SCN4A: variants seen among roughly 807,000 people sequenced by gnomAD.
SCN4A encodes the protein sodium voltage-gated channel alpha subunit 4.
A neutral mutation model predicts 162.0 loss-of-function variants in SCN4A; 83 were observed. The ratio of observed to expected loss-of-function variants is 0.51; its 90% CI spans 0.43 to 0.61. SCN4A has a LOEUF of 0.61. Among genes scored for constraint, SCN4A ranks in the 20% least tolerant of loss-of-function variants. The pLI is 0.00. For synonymous variants in SCN4A, 944 were observed against 985.1 expected, an observed-to-expected ratio of 0.96 and a Z score of 0.78; for missense variants, 2,196 against 2,462.5, an observed-to-expected ratio of 0.89 and a Z score of 2.29.
rs1034140685 is a variant in SCN4A, at chr17:63,950,938, C to T, written c.2853+486G>A. 4.6e-5 allele frequency among the ~76,000 whole-genome samples: 7 copies of T among 152,234 alleles called. No individual in the cohort carries two copies. The highest frequency in any genetic ancestry group is 2.1e-4 in the South Asian group (1 of 4,832). ...TGGCCCCTAGCTCCTCTCCTGAATC[C>T]CCTGCCTGGATCTGGCACTTTGGCC... On this transcript the variant is annotated intron_variant, in intron 14 of 23. Coordinates refer to ENST00000435607, the MANE Select transcript of SCN4A (RefSeq NM_000334.4). The surrounding 1 kb of genome is among the most constrained non-coding windows in gnomAD (Gnocchi z 4.6).
Position 63,968,307 on chromosome 17 carries a change from G to T in SCN4A, c.752C>A (p.Ser251Ter), listed in dbSNP as rs751884584. Reference protein sequence around the residue: ...GALIQSVKKLSDVMILTVFCL... With the variant: ...GALIQSVKKL ...GAAGACAGTGAGGATCATCACATCC[G>T]ACAGCTTTTTCACCGACTGGATCAG... Residue 251 changes from serine to a stop codon, truncating the protein, a stop_gained, in exon 6 of 24, where the codon TCG becomes TAG. Transcript: ENST00000435607. LOFTEE classifies it high-confidence loss of function. 6.2e-7 allele frequency: 1 copy of T among 1,610,604 alleles called. No individual in the cohort carries two copies. The highest frequency in any genetic ancestry group is 8.5e-7 in the Non-Finnish European group (1 of 1,177,086).
intron 17 of SCN4A, 95 bp downstream of exon 17, chr17:63,947,795 G>A: frequency 7.7e-7 from 1 of 1,301,248 alleles, no homozygotes. Flanking sequence ...GGTGGCCTCG[G>A]GCAGGTCCTG....
intron 5 of SCN4A, among the ~76,000 whole-genome samples, chr17:63,969,270 T>G (rs1341387487): frequency 6.6e-6 from 1 of 152,210 alleles, no homozygotes; most frequent in Non-Finnish European, 1.5e-5. Flanking sequence ...ATCATTATAT[T>G]CTTTAGACAG....
chr17:63,951,701 C>T lies in SCN4A; in HGVS notation c.2576G>A (p.Gly859Glu), dbSNP rs886053248. ...LSPKDIMLSL[G>E]EADGAGEAGE... ...AGCCTCCCCGGCCCCGTCAGCCTCC[C>T]CGAGGCTGAGCATGATGTCCTTGGG... Residue 859 changes from glycine to glutamate, a missense_variant, in exon 14 of 24, where the codon GGG (glycine) becomes GAG (glutamate). Coordinates refer to ENST00000435607, the MANE Select transcript of SCN4A (RefSeq NM_000334.4). This position sits in a 1 kb window ranked among gnomAD's most constrained non-coding sequence, Gnocchi z 4.5. 1.3e-6 allele frequency: 2 copies of T among 1,598,256 alleles called. No homozygotes were observed. The highest frequency in any genetic ancestry group is 1.7e-4 in the Middle Eastern group (1 of 6,040).
Position 63,951,380 on chromosome 17 carries a change from G to T in SCN4A, c.2853+44C>A. On this transcript the variant is annotated intron_variant, in intron 14 of 23. Transcript: ENST00000435607. This position sits in a 1 kb window ranked among gnomAD's most constrained non-coding sequence, Gnocchi z 4.5. Reference sequence around the variant, plus strand: ...ACTTAGGGCTTGCTCCAGGTCACAGGAGAATTTGAAGCCGGGTCTGTCTGA... The same window carrying T: ...ACTTAGGGCTTGCTCCAGGTCACAGTAGAATTTGAAGCCGGGTCTGTCTGA... The T allele has an allele frequency of 7.2e-7, 1 of 1,382,786 alleles. No individual in the cohort carries two copies. Among genetic ancestry groups the T allele is most frequent in the Non-Finnish European group, 9.9e-7 (1 of 1,010,236 alleles). The allele number at this position is 1,382,786 out of a possible 1,614,324, so 85.7% of individuals were successfully genotyped here. A position where few individuals can be genotyped will look rare whatever the true frequency, so the allele number is the denominator to read the frequency against.
Position 63,944,689 on chromosome 17 carries a change from T to C in SCN4A, c.3896A>G (p.Asn1299Ser). The C allele has an allele frequency of 1.9e-6, 3 of 1,607,754 alleles. No individual in the cohort carries two copies. The East Asian group carries it at 6.7e-5, about 36-fold the overall frequency. Residue 1299 changes from asparagine to serine, a missense_variant, in exon 21 of 24, where the codon AAC becomes AGC. Physicochemically the swap from Asn to Ser is conservative, Grantham distance 46. Transcript: ENST00000435607. The surrounding 1 kb of genome is among the most constrained non-coding windows in gnomAD (Gnocchi z 4.3). ...LFIGVIIDNF[N>S]QQKKKLGGKD... ...GATACTCATCTTCTTCTTCTGCTGG[T>C]TGAAGTTGTCAATGATGACGCCAAT...
Position 63,945,018 on chromosome 17 carries a change from C to T in SCN4A, c.3763G>A (p.Asp1255Asn). Residue 1255 changes from aspartate (D) to asparagine (N), a missense_variant, in exon 20 of 24, where the codon GAC becomes AAC. Asp to Asn is a conservative substitution (Grantham distance 23). Transcript: ENST00000435607. This position sits in a 1 kb window ranked among gnomAD's most constrained non-coding sequence, Gnocchi z 4.4. Reference protein sequence around the residue: ...GWMDIMYAAVDSREKEEQPQY... With the variant: ...GWMDIMYAAVNSREKEEQPQY... ...CGACCCCGACTCACCTCCCGGGAGT[C>T]CACGGCTGCATACATGATGTCCATC... 6.2e-7 allele frequency: 1 copy of T among 1,613,916 alleles called. No homozygotes were observed. Among genetic ancestry groups the T allele is most frequent in the Non-Finnish European group, 8.5e-7 (1 of 1,179,848 alleles).
In SCN4A at chr17:63,962,306, C is replaced by T. The variant is rs1016786331; in HGVS notation, c.1607-875G>A. ...CCTCGGGGATGCACTGTCGGTAATA[C>T]CGGCCCCTCCAAAGTGTCCCCAGCC... is the stretch of plus-strand genomic sequence containing the variant. On this transcript the variant is annotated intron_variant, in intron 10 of 23. Coordinates refer to ENST00000435607, the MANE Select transcript of SCN4A (RefSeq NM_000334.4). Among the ~76,000 whole-genome samples the T allele has an allele frequency of 2.0e-5, 3 of 152,210 alleles. No homozygotes were observed. In the East Asian group the frequency reaches 5.8e-4, roughly 29 times the overall value.
Position 63,971,274 on chromosome 17 carries a change from G to A in SCN4A, c.612-21C>T, listed in dbSNP as rs535811879. 5 of 1,383,006 alleles carry A rather than the reference G, an allele frequency of 3.6e-6. No homozygotes were observed. In the Admixed American group the frequency reaches 9.8e-5, roughly 27 times the overall value. The allele number at this position is 1,383,006 out of a possible 1,614,324, so 85.7% of individuals were successfully genotyped here. A position where few individuals can be genotyped will look rare whatever the true frequency, so the allele number is the denominator to read the frequency against. ...GGTACCTGGGTAGGGGGTGGAGGGG[G>A]GTGGGGACTGTCAGAGCCTGGGGTG... On this transcript the variant is annotated intron_variant, in intron 4 of 23. Coordinates refer to ENST00000435607, the MANE Select transcript of SCN4A (RefSeq NM_000334.4).
chr17:63,948,332 T>C (rs1266205827), intron 16 of SCN4A, among the ~76,000 whole-genome samples: 3 of 152,242 alleles, frequency 2.0e-5, no homozygotes, highest in African/African-American at 7.2e-5. Flanking sequence ...TGACACATCT[T>C]CAGTCCTGCG....
intron 5 of SCN4A, among the ~76,000 whole-genome samples, chr17:63,969,280 G>C (rs1365179962): frequency 6.6e-6 from 1 of 152,176 alleles, no homozygotes; most frequent in Non-Finnish European, 1.5e-5. Flanking sequence ...TCTTTAGACA[G>C]ACAAAGGCAT....
At chr17:63,958,186 A>G (rs957569468) in intron 12 of SCN4A, among the ~76,000 whole-genome samples, 4 of 152,150 alleles carry the variant, frequency 2.6e-5, no homozygotes, top group Admixed American at 6.5e-5. Context: ...CCTGGGCAAC[A>G]TGGCGAAACC....
Position 63,966,672 on chromosome 17 carries a change from G to C in SCN4A, c.1037-128C>G. 1.0e-5 allele frequency: 7 copies of C among 697,292 alleles called. No individual in the cohort carries two copies. The South Asian group carries it at 1.2e-4, about 12-fold the overall frequency. 43.2% of individuals were successfully genotyped at this position (697,292 alleles called of 1,614,324 possible). A position where few individuals can be genotyped will look rare whatever the true frequency, so the allele number is the denominator to read the frequency against. ...TAAACCAAACGGATGTTCCCTGGCTGCCTCTTCCCCGTCCTTTAAGGACAG... is the reference window on the plus strand; with the variant it reads ...TAAACCAAACGGATGTTCCCTGGCTCCCTCTTCCCCGTCCTTTAAGGACAG... On this transcript the variant is annotated intron_variant, in intron 6 of 23. Transcript: ENST00000435607.
At chr17:63,966,634 T>C (rs1909455976) in intron 6 of SCN4A, 90 bp from the exon 7 acceptor site, 2 of 939,198 alleles carry the variant, frequency 2.1e-6, no homozygotes, top group African/African-American at 1.6e-5. Context: ...TGGACAGGTC[T>C]GCGCGTACCA....
chr17:63,954,110 C>T (rs374591039), intron 13 of SCN4A, among the ~76,000 whole-genome samples: 4 of 152,306 alleles, frequency 2.6e-5, no homozygotes, highest in East Asian at 1.9e-4. Context: ...CTTGCAGATC[C>T]GCCACCCTTG....
chr17:63,948,119 C>A, intron 16 of SCN4A, 56 bp from the exon 17 acceptor site: 2 of 1,457,634 alleles, frequency 1.4e-6, no homozygotes, highest in Admixed American at 1.9e-5. Flanking sequence ...GGGTGGCAGC[C>A]AGGTCCCCTG....
rs528794841 is a variant in SCN4A, at chr17:63,972,288, G to A, written c.393-63C>T. 1 of 1,589,184 alleles carries A rather than the reference G, an allele frequency of 6.3e-7. No individual in the cohort carries two copies. The highest frequency in any genetic ancestry group is 2.3e-5 in the East Asian group (1 of 44,434). On this transcript the variant is annotated intron_variant, in intron 2 of 23. Transcript: ENST00000435607. The surrounding 1 kb of genome is among the most constrained non-coding windows in gnomAD (Gnocchi z 4.3). ...ATGGGAGGTGATAGAGGGTCTCCTG[G>A]GCCACAGCACCCCATCTCGCCCATC...
rs1257602837 is a variant in SCN4A at position 63,951,830 on chromosome 17, T to C, written c.2447A>G (p.Asp816Gly). Residue 816 changes from aspartate to glycine, a missense_variant, in exon 14 of 24, where the codon GAT becomes GGT. Physicochemically the swap from Asp to Gly is moderately conservative, Grantham distance 94. Transcript: ENST00000435607. The surrounding 1 kb of genome is among the most constrained non-coding windows in gnomAD (Gnocchi z 4.5). Reference protein sequence around the residue: ...SADSLAASDEDGEMNNLQIAI... With the variant: ...SADSLAASDEGGEMNNLQIAI... The stretch of plus-strand genomic sequence containing the variant: ...AATCTGCAGGTTGTTCATCTCGCCA[T>C]CCTCATCCGAGGCTGCCAGACTGTC... The C allele has an allele frequency of 6.3e-7, 1 of 1,575,644 alleles. No individual in the cohort carries two copies. The highest frequency in any genetic ancestry group is 8.6e-7 in the Non-Finnish European group (1 of 1,162,294).
rs759982229 is a variant in SCN4A at position 63,948,619 on chromosome 17, C to A, written c.3136G>T (p.Gly1046Trp). The A allele has an allele frequency of 5.3e-5, 85 of 1,613,356 alleles. No homozygotes were observed. The highest frequency in any genetic ancestry group is 6.6e-5 in the Non-Finnish European group (78 of 1,179,660). The change falls in exon 16 of 24, where the codon GGG becomes TGG. Residue 1046 changes from glycine (G) to tryptophan (W), a missense_variant. Transcript: ENST00000435607. ...TCCCAGGCAGTGCCTACCAGAGCCC[C>A]ACTGCTGAGCAGGATCATGAAGACA... Reference protein sequence around the residue: ...FIVFMILLSSGALAFEDIYIE... With the variant: ...FIVFMILLSSWALAFEDIYIE...
Sources: allele counts gnomAD v4.1 joint callset (sites outside exome capture counted in the v4.1 genomes callset), GRCh38; gene constraint gnomAD v4.1.1; non-coding constraint Gnocchi (gnomAD v3.1); transcripts MANE v1.5; gene names NCBI Gene and HGNC (gene_info 2026-07-23, HGNC 2026-07-21).